Variants in EDA observed in about 807,000 individuals in gnomAD.
EDA encodes ectodysplasin-A.
A neutral mutation model predicts 23.6 loss-of-function variants in EDA; 2 were observed. The ratio of observed to expected loss-of-function variants is 0.08; its 90% confidence interval spans 0.03 to 0.27. The LOEUF (loss-of-function observed/expected upper bound fraction) is 0.27, where lower values mean the gene tolerates loss of function less well. EDA is among the 10% of genes least tolerant of loss of function. The pLI, the probability that EDA is intolerant of heterozygous loss-of-function variation, is 1.00. For missense variants in EDA, 229 were observed against 324.2 expected (o/e 0.71, Z 2.26); for synonymous variants, 131 against 132.0 (o/e 0.99, Z 0.05).
chrX:69,872,133 G>T (rs1305309010), intron 1 of EDA, among the ~76,000 whole-genome samples: 1 of 111,773 alleles, frequency 8.9e-6, no homozygotes, highest in East Asian at 2.8e-4. Flanking sequence ...GAAGAATTTT[G>T]TATCTAGTGA....
chrX:69,891,595 AGATCATGTCCTTTGCAGGGACAT>A (rs1488057122), intron 1 of EDA, among the ~76,000 whole-genome samples: 1 of 111,638 alleles, frequency 9.0e-6, no homozygotes, highest in East Asian at 2.8e-4. Flanking sequence ...AAAAGGAACG[AGATCATGTCCTTTGCAGGGACAT>A]GGATGGAGCT....
At position 69,616,299 on chromosome X, in the gene EDA, T is replaced by C. The variant is rs761293672; in HGVS notation, c.-10T>C. The C allele has an allele frequency of 1.5e-5, 18 of 1,179,883 alleles. No individual in the cohort carries two copies. Among genetic ancestry groups the C allele is most frequent in the Middle Eastern group, 5.6e-4 (2 of 3,571 alleles). ...CCCGGGCCTCAAGAGAGTGGGTGTC[T>C]CCGGAGGCCATGGGCTACCCGGAGG... is the stretch of plus-strand genomic sequence containing the variant. On this transcript the variant is annotated 5_prime_UTR_variant, in exon 1 of 8. Coordinates refer to ENST00000374552, the MANE Select transcript of EDA (RefSeq NM_001399.5).
At chrX:69,671,387 T>G (rs953613174) in intron 1 of EDA, among the ~76,000 whole-genome samples, 1 of 111,156 alleles carries the variant, frequency 9.0e-6, no homozygotes, top group African/African-American at 3.3e-5. Context: ...CAGTGGTACT[T>G]AGATCCAGGG....
intron 2 of EDA, among the ~76,000 whole-genome samples, chrX:70,020,128 C>A (rs747815448): frequency 2.7e-5 from 3 of 111,939 alleles, no homozygotes; most frequent in South Asian, 7.4e-4. Flanking sequence ...GTAAGCATGA[C>A]ACTGAAGGCA....
At chrX:69,888,429 G>T (rs1486129165) in intron 1 of EDA, among the ~76,000 whole-genome samples, 2 of 108,624 alleles carry the variant, frequency 1.8e-5, no homozygotes, top group East Asian at 5.8e-4. Flanking sequence ...AAATGACAGT[G>T]ATAAGTCCTT....
chrX:69,674,938 C>A (rs1403370901), intron 1 of EDA, among the ~76,000 whole-genome samples: 2 of 111,782 alleles, frequency 1.8e-5, no homozygotes, highest in African/African-American at 6.5e-5. Flanking sequence ...GAAGTGTAAC[C>A]TTTCCCAAGG....
intron 1 of EDA, among the ~76,000 whole-genome samples, chrX:69,907,884 GA>G (rs959634007): frequency 1.8e-5 from 2 of 108,913 alleles, no homozygotes; most frequent in Non-Finnish European, 3.8e-5. Context: ...TAAGAGAAAA[GA>G]AAAAAAAATC....
At chrX:70,023,291 GT>G in intron 3 of EDA, 50 bp downstream of exon 3, 1 of 935,469 alleles carries the variant, frequency 1.1e-6, no homozygotes, top group Non-Finnish European at 1.5e-6. Context: ...ATTTTCTAAA[GT>G]TAGAAGAAAA....
intron 2 of EDA, among the ~76,000 whole-genome samples, chrX:69,980,436 T>C (rs911503401): frequency 8.9e-6 from 1 of 112,250 alleles, no homozygotes; most frequent in African/African-American, 3.2e-5. Flanking sequence ...TAGCAACCTG[T>C]GCTTTTTCTG....
chrX:69,942,532 G>A (rs1206503700), intron 1 of EDA, among the ~76,000 whole-genome samples: 1 of 110,633 alleles, frequency 9.0e-6, no homozygotes, highest in African/African-American at 3.3e-5. Flanking sequence ...CTTCTAGCCT[G>A]TAGGGTTTCC....
intron 1 of EDA, among the ~76,000 whole-genome samples, chrX:69,621,807 C>A (rs1222209763): frequency 2.7e-5 from 3 of 111,376 alleles, no homozygotes; most frequent in Non-Finnish European, 1.9e-5. Flanking sequence ...GTGGCATGAT[C>A]ACAGCTCACT....
chrX:69,712,080 T>C (rs1243910558), intron 1 of EDA, among the ~76,000 whole-genome samples: 2 of 111,198 alleles, frequency 1.8e-5, no homozygotes, highest in Non-Finnish European at 3.8e-5. Flanking sequence ...CTTTTAATTG[T>C]GATGTTAGAG....
At chrX:69,689,347 G>C (rs1396603146) in intron 1 of EDA, among the ~76,000 whole-genome samples, 1 of 104,824 alleles carries the variant, frequency 9.5e-6, no homozygotes, top group Non-Finnish European at 1.9e-5. Context: ...CCAGGCTAGA[G>C]TGCAGTGGCG....
chrX:69,811,087 T>A (rs2015945431), intron 1 of EDA, among the ~76,000 whole-genome samples: 1 of 111,802 alleles, frequency 8.9e-6, no homozygotes, highest in Admixed American at 9.5e-5. Context: ...GAGTGTAGAC[T>A]TCAACATGCC....
At chrX:69,889,241 G>A (rs768832942) in intron 1 of EDA, among the ~76,000 whole-genome samples, 121 of 106,124 alleles carry the variant, frequency 1.1e-3, no homozygotes, top group African/African-American at 3.8e-3. Flanking sequence ...TTGACCTCCC[G>A]GGCTCAAGCG....
chrX:69,880,006 T>G lies in EDA; in HGVS notation c.397-77021T>G, dbSNP rs754907278. On this transcript the variant is annotated intron_variant, in intron 1 of 7. Transcript: ENST00000374552. ...TAGCAAAGGAAAAAAATCACTTTAT[T>G]GTTATTTTAGTTTTTTTAAAAAACC... Among the ~76,000 whole-genome samples the G allele has an allele frequency of 1.2e-4, 13 of 112,602 alleles. No individual in the cohort carries two copies. In the East Asian group the frequency reaches 3.3e-3, roughly 29 times the overall value.
intron 1 of EDA, among the ~76,000 whole-genome samples, chrX:69,659,093 A>C: frequency 8.9e-6 from 1 of 112,244 alleles, no homozygotes. Flanking sequence ...ATCGTGGCCT[A>C]GACTAGCTTC....
intron 1 of EDA, among the ~76,000 whole-genome samples, chrX:69,906,155 A>G (rs2018174318): frequency 1.8e-5 from 2 of 112,415 alleles, no homozygotes; most frequent in African/African-American, 6.5e-5. Context: ...CCCTCTTCTC[A>G]CACCAGATTT....
At chrX:69,665,901 G>T (rs980845121) in intron 1 of EDA, among the ~76,000 whole-genome samples, 2 of 110,895 alleles carry the variant, frequency 1.8e-5, no homozygotes, top group Admixed American at 1.9e-4. Flanking sequence ...ATATTATTTT[G>T]GATAGTATGG....
Sources: gnomAD v4.1 joint callset for allele counts (sites outside exome capture counted in the v4.1 genomes callset) on GRCh38, gnomAD v4.1.1 for gene constraint, MANE v1.5 for transcripts, NCBI Gene and HGNC (gene_info 2026-07-23, HGNC 2026-07-21) for gene names.